Variants in STXBP5L observed in about 807,000 individuals in gnomAD.
STXBP5L encodes syntaxin binding protein 5L, also known as syntaxin-binding protein 5-like.
In STXBP5L, 65 loss-of-function variants were observed where a neutral mutation model predicts 144.5. That is an observed-to-expected ratio of 0.45 (90% CI 0.37 to 0.55). The LOEUF (loss-of-function observed/expected upper bound fraction) is 0.55. STXBP5L is among the 20% of genes least tolerant of loss of function. The pLI, the probability that STXBP5L is intolerant of heterozygous loss-of-function variation, is 0.00. For synonymous variants in STXBP5L, 505 were observed against 469.6 expected (o/e 1.08, Z -0.97); for missense variants, 1,298 against 1,405.5 (o/e 0.92, Z 1.22).
chr3:121,400,026 CA>C (rs1560057691), intron 22 of STXBP5L, among the ~76,000 whole-genome samples: 1 of 152,234 alleles, frequency 6.6e-6, no homozygotes. Flanking sequence ...GCTGAGTCTA[CA>C]AAAATGAAAC....
At chr3:121,034,866 C>T (rs1213940570) in intron 3 of STXBP5L, among the ~76,000 whole-genome samples, 1 of 152,098 alleles carries the variant, frequency 6.6e-6, no homozygotes, top group East Asian at 1.9e-4. Context: ...CCCTTTCCTC[C>T]ACATCCTTGC....
chr3:121,310,596 CAGAG>C (rs2043493270), intron 19 of STXBP5L, among the ~76,000 whole-genome samples: 1 of 151,026 alleles, frequency 6.6e-6, no homozygotes, highest in Admixed American at 6.6e-5. Context: ...GCCTGGGTGA[CAGAG>C]GGAGACTCCG....
intron 20 of STXBP5L, chr3:121,357,984 AT>A (rs1258040528): frequency 3.3e-5 from 5 of 152,206 alleles, no homozygotes; most frequent in African/African-American, 1.2e-4. Context: ...TTTTAAAAAA[AT>A]ATTGTGGGTG....
chr3:120,914,635 C>A (rs548934919), intron 2 of STXBP5L, among the ~76,000 whole-genome samples: 1 of 152,110 alleles, frequency 6.6e-6, no homozygotes, highest in South Asian at 2.1e-4. Context: ...TTTACTTAAG[C>A]GGTTTTGCAA....
intron 6 of STXBP5L, among the ~76,000 whole-genome samples, chr3:121,120,725 G>T (rs2044420646): frequency 6.6e-6 from 1 of 151,166 alleles, no homozygotes; most frequent in Admixed American, 6.6e-5. Context: ...TAGTTTCTAA[G>T]ATTTAAATCT....
Position 121,029,939 on chromosome 3 carries a change from G to A in STXBP5L, c.288-11761G>A, listed in dbSNP as rs111997340. ...TACATATGAAAAAAAGCTCATCATC[G>A]CTGGTCATTAGAGAAATGCAAATCA... On this transcript the variant is annotated intron_variant, in intron 3 of 26. Transcript: ENST00000471454. 2.0e-5 allele frequency among the ~76,000 whole-genome samples: 3 copies of A among 151,938 alleles called. No individual in the cohort carries two copies. The East Asian group carries it at 5.8e-4, about 29-fold the overall frequency.
At chr3:121,399,048 G>C (rs2108727648) in intron 22 of STXBP5L, among the ~76,000 whole-genome samples, 1 of 152,166 alleles carries the variant, frequency 6.6e-6, no homozygotes, top group East Asian at 1.9e-4. Flanking sequence ...AATAATGAGG[G>C]GGTGCAGAAG....
At chr3:121,197,964 A>G (rs1236287016) in intron 9 of STXBP5L, among the ~76,000 whole-genome samples, 1 of 152,224 alleles carries the variant, frequency 6.6e-6, no homozygotes, top group African/African-American at 2.4e-5. Context: ...ATATGCATGC[A>G]TGTGTCTTTA....
chr3:121,324,930 T>C (rs1371690389), intron 20 of STXBP5L, among the ~76,000 whole-genome samples: 5 of 151,966 alleles, frequency 3.3e-5, no homozygotes, highest in Non-Finnish European at 5.9e-5. Flanking sequence ...AATCTTAAGA[T>C]CCAAACAATA....
intron 10 of STXBP5L, among the ~76,000 whole-genome samples, chr3:121,210,842 T>C (rs185757950): frequency 1.5e-4 from 23 of 152,320 alleles, no homozygotes; most frequent in African/African-American, 4.8e-4. Flanking sequence ...AGCCTTGTAG[T>C]ATAGTTTGAA....
chr3:121,336,788 A>T (rs994658072), intron 20 of STXBP5L, among the ~76,000 whole-genome samples: 1 of 152,188 alleles, frequency 6.6e-6, no homozygotes. Context: ...ATTCTACCAT[A>T]AAAACACATG....
At chr3:121,351,115 G>A (rs543840627) in intron 20 of STXBP5L, among the ~76,000 whole-genome samples, 9 of 152,080 alleles carry the variant, frequency 5.9e-5, no homozygotes, top group Non-Finnish European at 1.3e-4. Context: ...CTTTGATGAT[G>A]GTGACGTACA....
intron 5 of STXBP5L, among the ~76,000 whole-genome samples, chr3:121,098,399 C>A (rs899664934): frequency 1.3e-5 from 2 of 152,096 alleles, no homozygotes; most frequent in East Asian, 1.9e-4. Flanking sequence ...AACTAGGTCT[C>A]ATATGAACTT....
intron 9 of STXBP5L, among the ~76,000 whole-genome samples, chr3:121,196,898 G>C (rs1218461007): frequency 6.6e-6 from 1 of 152,026 alleles, no homozygotes; most frequent in Non-Finnish European, 1.5e-5. Context: ...GCCCAGTCTG[G>C]TCTCAATACC....
intron 19 of STXBP5L, among the ~76,000 whole-genome samples, chr3:121,280,970 T>C (rs948938729): frequency 2.6e-5 from 4 of 151,114 alleles, no homozygotes; most frequent in Non-Finnish European, 5.9e-5. Flanking sequence ...ATAAAATTTC[T>C]ACATTGTATT....
At chr3:121,264,154 A>G (rs1282036556) in intron 18 of STXBP5L, among the ~76,000 whole-genome samples, 1 of 152,196 alleles carries the variant, frequency 6.6e-6, no homozygotes, top group African/African-American at 2.4e-5. Context: ...AGGGGCCAAT[A>G]TTCAACACTC....
chr3:121,272,456 A>T (rs2050760125), intron 18 of STXBP5L, among the ~76,000 whole-genome samples: 1 of 152,118 alleles, frequency 6.6e-6, no homozygotes, highest in Non-Finnish European at 1.5e-5. Context: ...GCTCTATTTT[A>T]GCTTCCATTT....
intron 9 of STXBP5L, among the ~76,000 whole-genome samples, chr3:121,184,700 A>C (rs1486872863): frequency 1.3e-5 from 2 of 152,176 alleles, no homozygotes; most frequent in Non-Finnish European, 2.9e-5. Flanking sequence ...ATTCAAATTC[A>C]AGAAATACAG....
At chr3:121,013,915 T>C (rs1207584545) in intron 3 of STXBP5L, among the ~76,000 whole-genome samples, 1 of 152,104 alleles carries the variant, frequency 6.6e-6, no homozygotes, top group Non-Finnish European at 1.5e-5. Flanking sequence ...TGTTGTTTAT[T>C]TTTGTCAACT....
Sources: allele counts gnomAD v4.1 joint callset (sites outside exome capture counted in the v4.1 genomes callset), GRCh38; gene constraint gnomAD v4.1.1; transcripts MANE v1.5; gene names NCBI Gene and HGNC (gene_info 2026-07-23, HGNC 2026-07-21).